The following ZNF583 variants were observed in gnomAD, a reference collection of about 807,000 sequenced individuals.
ZNF583 encodes the protein zinc finger protein L3-5.
A neutral mutation model predicts 55.3 loss-of-function variants in ZNF583; 30 were observed. That is an observed-to-expected ratio of 0.54 (90% CI 0.41 to 0.74). ZNF583 has a LOEUF of 0.74. Among genes scored for constraint, ZNF583 ranks in the 30% least tolerant of loss-of-function variants. The probability of loss-of-function intolerance (pLI) is 0.00; values close to 1 mark genes in which losing one functional copy is unlikely to be tolerated. For synonymous variants in ZNF583, 208 were observed against 220.0 expected, an observed-to-expected ratio of 0.95 and a Z score of 0.48; for missense variants, 504 against 664.7, an observed-to-expected ratio of 0.76 and a Z score of 2.66.
intron 1 of ZNF583, among the ~76,000 whole-genome samples, chr19:56,405,643 C>T (rs2042134877): frequency 6.6e-6 from 1 of 152,044 alleles, no homozygotes; most frequent in Non-Finnish European, 1.5e-5. Flanking sequence ...TGTCCTCTGG[C>T]ACAGTAGTTT....
chr19:56,421,294 G>GTATTCATCAATGACTATACCTA (rs6146568), intron 4 of ZNF583: 89,239 of 161,190 alleles, frequency 0.55, 25,327 homozygotes, highest in East Asian at 0.88. Flanking sequence ...ATGAGAATTA[G>GTATTCATCAATGACTATACCTA]TGTTTTTACT....
chr19:56,419,195 CTTT>C (rs57785686), intron 4 of ZNF583, among the ~76,000 whole-genome samples: 12 of 113,994 alleles, frequency 1.1e-4, no homozygotes, highest in Admixed American at 1.9e-4. Context: ...TGCAGGTTTA[CTTT>C]TTTTTTTTTT....
intron 1 of ZNF583, among the ~76,000 whole-genome samples, chr19:56,405,538 G>C (rs2042133225): frequency 6.6e-6 from 1 of 152,002 alleles, no homozygotes; most frequent in African/African-American, 2.4e-5. Context: ...GAGATAAAGG[G>C]GAAAAGATGG....
Position 56,424,140 on chromosome 19 carries a change from T to C in ZNF583, c.1482T>C (p.Cys494=). The C allele has an allele frequency of 6.2e-7, 1 of 1,612,136 alleles. No individual in the cohort carries two copies. The highest frequency in any genetic ancestry group is 1.1e-5 in the South Asian group (1 of 90,886). Residue 494 remains cysteine, a synonymous_variant, in exon 5 of 5, where the codon TGT becomes TGC. Transcript: ENST00000333201. ...ATACTGGAGAGAAACCTTATGAATG[T>C]AATGTTTGTGGGAAAGCATTTAGCT... ...RIHTGEKPYE[C]NVCGKAFSYS...
At chr19:56,411,483 T>C (rs764056757) in intron 2 of ZNF583, among the ~76,000 whole-genome samples, 19 of 152,244 alleles carry the variant, frequency 1.2e-4, no homozygotes, top group Non-Finnish European at 2.5e-4. Context: ...ACAGACTCTA[T>C]TAGTTCATGT....
chr19:56,410,489 C>T (rs907834119), intron 2 of ZNF583, among the ~76,000 whole-genome samples: 10 of 151,934 alleles, frequency 6.6e-5, no homozygotes, highest in Admixed American at 2.0e-4. Flanking sequence ...CATCTGAGGT[C>T]GGGAGTTCAA....
Position 56,423,200 on chromosome 19 carries a change from A to G in ZNF583, c.542A>G (p.Glu181Gly). ...FDIQQSFPTK[E>G]KAHKHEPQKK... is the part of the protein sequence containing the mutation. ...ATACAACAGAGTTTTCCCACCAAAG[A>G]AAAAGCACATAAGCATGAACCACAA... Residue 181 changes from glutamate to glycine, a missense_variant, in exon 5 of 5, where the codon GAA (glutamate) becomes GGA (glycine). Physicochemically the swap from Glu to Gly is moderately conservative, Grantham distance 98 (BLOSUM62 -2). Transcript: ENST00000333201. 1 of 1,613,206 alleles carries G rather than the reference A, an allele frequency of 6.2e-7. No homozygotes were observed.
At position 56,424,637 on chromosome 19, in the gene ZNF583, C is replaced by G. The variant is rs775236718; in HGVS notation, c.*269C>G. 9.0e-6 allele frequency: 3 copies of G among 331,798 alleles called. No homozygotes were observed. Among genetic ancestry groups the G allele is most frequent in the African/African-American group, 4.2e-5 (2 of 47,096 alleles). The allele number at this position is 331,798 out of a possible 1,614,324, so 20.6% of individuals were successfully genotyped here. A position where few individuals can be genotyped will look rare whatever the true frequency, so the allele number is the denominator to read the frequency against. On this transcript the variant is annotated 3_prime_UTR_variant, in exon 5 of 5. Coordinates refer to ENST00000333201, the MANE Select transcript of ZNF583 (RefSeq NM_152478.3). ...CTTCAAAATAGCCTAAAAACCTAGCCTCTAACACCTTGTTCCAGGTTACCT... is the reference window on the plus strand; with the variant it reads ...CTTCAAAATAGCCTAAAAACCTAGCGTCTAACACCTTGTTCCAGGTTACCT...
At chr19:56,415,169 T>C (rs1352337357) in intron 4 of ZNF583, among the ~76,000 whole-genome samples, 1 of 152,176 alleles carries the variant, frequency 6.6e-6, no homozygotes. Flanking sequence ...AAGAGGATTC[T>C]GCTAAATTCT....
At chr19:56,422,122 A>G (rs999966189) in intron 4 of ZNF583, among the ~76,000 whole-genome samples, 2 of 152,228 alleles carry the variant, frequency 1.3e-5, no homozygotes, top group African/African-American at 4.8e-5. Context: ...ATAAGATCAG[A>G]GAACACCAGG....
rs961096901 is a variant in ZNF583 at position 56,426,455 on chromosome 19, G to A, written c.*2087G>A. On this transcript the variant is annotated 3_prime_UTR_variant, in exon 5 of 5. Transcript: ENST00000333201. ...TTTGACTGTATAAGAACTTTATAAA[G>A]CTTTTATATGATCAAAGATAGTAAA... 2.6e-4 allele frequency: 40 copies of A among 152,092 alleles called. No individual in the cohort carries two copies. The highest frequency in any genetic ancestry group is 8.9e-4 in the African/African-American group (37 of 41,414). The allele number at this position is 152,092 out of a possible 1,614,324, so 9.4% of individuals were successfully genotyped here.
Position 56,423,882 on chromosome 19 carries a change from T to C in ZNF583, c.1224T>C (p.Tyr408=). The C allele has an allele frequency of 6.2e-7, 1 of 1,613,936 alleles. No individual in the cohort carries two copies. The highest frequency in any genetic ancestry group is 8.5e-7 in the Non-Finnish European group (1 of 1,179,932). Residue 408 remains tyrosine (Y), a synonymous_variant, in exon 5 of 5, where the codon TAT becomes TAC. Coordinates refer to ENST00000333201, the MANE Select transcript of ZNF583 (RefSeq NM_152478.3). ...HQRVHTGEKP[Y]ECKVCRKAFS... is the part of the protein sequence containing the mutation. ...GAGTTCATACTGGAGAAAAACCTTA[T>C]GAATGTAAAGTATGTAGGAAAGCCT... is the stretch of plus-strand genomic sequence containing the variant.
In ZNF583 at chr19:56,423,986, A is replaced by G. The variant is rs771810651; in HGVS notation, c.1328A>G (p.Lys443Arg). 1 of 1,614,092 alleles carries G rather than the reference A, an allele frequency of 6.2e-7. No homozygotes were observed. Among genetic ancestry groups the G allele is most frequent in the Non-Finnish European group, 8.5e-7 (1 of 1,180,008 alleles). Reference sequence around the variant, plus strand: ...CCCTATGAATGTATTGAATGTGGGAAGGCCTTTAGCAATAGTTCATCACTT... The same window carrying G: ...CCCTATGAATGTATTGAATGTGGGAGGGCCTTTAGCAATAGTTCATCACTT... ...EKPYECIECG[K>R]AFSNSSSLAQ... The change falls in exon 5 of 5, where the codon AAG (lysine) becomes AGG (arginine). Residue 443 changes from lysine to arginine, a missense_variant. Physicochemically the swap from Lys to Arg is conservative, Grantham distance 26. Coordinates refer to ENST00000333201, the MANE Select transcript of ZNF583 (RefSeq NM_152478.3).
chr19:56,417,068 G>A (rs1321940379), intron 4 of ZNF583, among the ~76,000 whole-genome samples: 1 of 152,126 alleles, frequency 6.6e-6, no homozygotes. Flanking sequence ...ATGTATGAAT[G>A]CAACATTTCA....
chr19:56,419,170 T>G (rs1200008481), intron 4 of ZNF583, among the ~76,000 whole-genome samples: 1 of 151,798 alleles, frequency 6.6e-6, no homozygotes, highest in Admixed American at 6.6e-5. Context: ...CTTATGTACA[T>G]GTGCTACATT....
At position 56,413,468 on chromosome 19, in the gene ZNF583, A is replaced by T. The variant is rs547662363; in HGVS notation, c.10-491A>T. ...ATAAGCATCAAACATATTTATATAT[A>T]TTTTTATACAACCTTATTGATGTCT... On this transcript the variant is annotated intron_variant, in intron 2 of 4. Coordinates refer to ENST00000333201, the MANE Select transcript of ZNF583 (RefSeq NM_152478.3). Among the ~76,000 whole-genome samples the T allele has an allele frequency of 2.0e-5, 3 of 152,312 alleles. No individual in the cohort carries two copies. The East Asian group carries it at 5.8e-4, about 29-fold the overall frequency.
chr19:56,412,397 A>C (rs1206768041), intron 2 of ZNF583, among the ~76,000 whole-genome samples: 1 of 152,178 alleles, frequency 6.6e-6, no homozygotes, highest in African/African-American at 2.4e-5. Flanking sequence ...TGTTATCTTA[A>C]AGATCCTTAA....
At chr19:56,422,465 G>A (rs925069417) in intron 4 of ZNF583, among the ~76,000 whole-genome samples, 1 of 152,114 alleles carries the variant, frequency 6.6e-6, no homozygotes, top group South Asian at 2.1e-4. Context: ...AGTTTTACAT[G>A]TATCCTAATA....
At position 56,414,435 on chromosome 19, in the gene ZNF583, G is replaced by T. The variant is rs1438916406; in HGVS notation, c.227G>T (p.Cys76Phe). ...AAGAAGGAGGGAACAAGAGGCCCAT[G>T]CCCTGGTGAGTGAGAGAGAAATAGG... Reference protein sequence around the residue: ...MVKKEGTRGPCPDWEYVFKNS... With the variant: ...MVKKEGTRGPFPDWEYVFKNS... The change falls in exon 4 of 5, where the codon TGC (cysteine) becomes TTC (phenylalanine). Residue 76 changes from cysteine (C) to phenylalanine (F), a missense_variant. Cys to Phe is a radical substitution (Grantham distance 205). Coordinates refer to ENST00000333201, the MANE Select transcript of ZNF583 (RefSeq NM_152478.3). The T allele has an allele frequency of 6.2e-7, 1 of 1,613,546 alleles. No individual in the cohort carries two copies. Among genetic ancestry groups the T allele is most frequent in the East Asian group, 2.2e-5 (1 of 44,886 alleles).
Sources: gnomAD v4.1 joint callset for allele counts (sites outside exome capture counted in the v4.1 genomes callset) on GRCh38, gnomAD v4.1.1 for gene constraint, MANE v1.5 for transcripts, NCBI Gene and HGNC (gene_info 2026-07-23, HGNC 2026-07-21) for gene names.